IKZF1: variants seen among roughly 807,000 people sequenced by gnomAD.
The protein encoded by IKZF1 is DNA-binding protein Ikaros.
Under a neutral mutation model 51.7 loss-of-function variants are expected in IKZF1, and 10 were observed. The ratio of observed to expected loss-of-function variants is 0.19; its 90% CI spans 0.12 to 0.33. The LOEUF is 0.33. Ranked by LOEUF, IKZF1 falls within the 10% of genes least tolerant of loss-of-function variation. IKZF1 has a pLI of 1.00. For missense variants in IKZF1, 484 were observed against 707.5 expected (o/e 0.68, Z 3.58); for synonymous variants, 280 against 282.3 (o/e 0.99, Z 0.08).
At chr7:50,306,903 A>G (rs1788942516) in intron 1 of IKZF1, among the ~76,000 whole-genome samples, 2 of 152,248 alleles carry the variant, frequency 1.3e-5, no homozygotes, top group South Asian at 2.1e-4. Flanking sequence ...CTCTCTATAT[A>G]TTAATGTACT....
intron 1 of IKZF1, among the ~76,000 whole-genome samples, chr7:50,315,870 G>A (rs984922398): frequency 1.3e-5 from 2 of 152,168 alleles, no homozygotes; most frequent in Non-Finnish European, 2.9e-5. Flanking sequence ...TTCCATGTGG[G>A]AGAGGAGGGG....
In IKZF1 at chr7:50,397,712, C is replaced by CA. The variant is rs1485626866; in HGVS notation, c.851-2199dup. Reference sequence around the variant, plus strand: ...TAGCTGCTCAACACAAAAACAGAAACAAAAAAATTGTGTGGTTTCAGCAGT... The same window carrying CA: ...TAGCTGCTCAACACAAAAACAGAAACAAAAAAAATTGTGTGGTTTCAGCAGT... On this transcript the variant is annotated intron_variant, in intron 7 of 7. Transcript: ENST00000331340. Among the ~76,000 whole-genome samples, 5 of 152,062 alleles carry CA rather than the reference C, an allele frequency of 3.3e-5. No individual in the cohort carries two copies. The East Asian group carries it at 5.8e-4, about 18-fold the overall frequency.
intron 3 of IKZF1, among the ~76,000 whole-genome samples, chr7:50,361,210 C>T (rs752632587): frequency 2.7e-4 from 41 of 152,152 alleles, no homozygotes; most frequent in Non-Finnish European, 4.6e-4. Flanking sequence ...ACCAAGCTTT[C>T]TTACCCCGTT....
chr7:50,399,390 A>G (rs1817535054), intron 7 of IKZF1, among the ~76,000 whole-genome samples: 1 of 151,562 alleles, frequency 6.6e-6, no homozygotes, highest in African/African-American at 2.4e-5. Context: ...TAGATTATTA[A>G]AATTATTAAA....
rs760005950 is a variant in IKZF1, at chr7:50,400,639, G to A, written c.*12G>A. On this transcript the variant is annotated 3_prime_UTR_variant, in exon 8 of 8. Transcript: ENST00000331340. The surrounding 1 kb of genome is among the most constrained non-coding windows in gnomAD (Gnocchi z 5.4). ...TCCACATGAGCTAAAGCCCTCCCGC[G>A]CCCCCACCCCAGACCCCGAGCCACC... The A allele has an allele frequency of 6.3e-7, 1 of 1,598,242 alleles. No individual in the cohort carries two copies. Among genetic ancestry groups the A allele is most frequent in the South Asian group, 1.1e-5 (1 of 90,264 alleles).
chr7:50,343,530 G>T (rs1799606153), intron 3 of IKZF1, among the ~76,000 whole-genome samples: 1 of 152,160 alleles, frequency 6.6e-6, no homozygotes, highest in Non-Finnish European at 1.5e-5. Flanking sequence ...GCATTTTCCT[G>T]ATCATTAAAT....
chr7:50,344,977 G>A (rs1312736140), intron 3 of IKZF1, among the ~76,000 whole-genome samples: 1 of 151,562 alleles, frequency 6.6e-6, no homozygotes, highest in Non-Finnish European at 1.5e-5. Flanking sequence ...TGCGATTTTT[G>A]CCATTAAAAG....
intron 7 of IKZF1, among the ~76,000 whole-genome samples, chr7:50,392,974 G>A (rs1229276265): frequency 3.3e-5 from 5 of 152,218 alleles, no homozygotes; most frequent in Non-Finnish European, 7.3e-5. Flanking sequence ...TCTGCCACAG[G>A]ATGAATGGCT....
rs1363828091 is a variant in IKZF1, at chr7:50,376,194, C to A, written c.161-339C>A. Reference sequence around the variant, plus strand: ...TAGGGTGTAGGAGTAGGCCTCAGACCACTCCTGACGTGAACCTGCTTAAAG... The same window carrying A: ...TAGGGTGTAGGAGTAGGCCTCAGACAACTCCTGACGTGAACCTGCTTAAAG... On this transcript the variant is annotated intron_variant, in intron 3 of 7. Coordinates refer to ENST00000331340, the MANE Select transcript of IKZF1 (RefSeq NM_006060.6). The surrounding 1 kb of genome is among the most constrained non-coding windows in gnomAD (Gnocchi z 4.5). 6.6e-6 allele frequency among the ~76,000 whole-genome samples: 1 copy of A among 152,206 alleles called. No individual in the cohort carries two copies. The highest frequency in any genetic ancestry group is 2.4e-5 in the African/African-American group (1 of 41,454).
chr7:50,382,907 G>T (rs1489183231), intron 5 of IKZF1, among the ~76,000 whole-genome samples, 200 bp downstream of exon 5: 2 of 152,032 alleles, frequency 1.3e-5, no homozygotes, highest in South Asian at 2.1e-4. Context: ...ACTGCACCAG[G>T]GAGATTGGGC....
At chr7:50,390,416 C>T (rs113429444) in intron 6 of IKZF1, among the ~76,000 whole-genome samples, 10,872 of 152,172 alleles carry the variant, frequency 0.071, 528 homozygotes, top group South Asian at 0.094. Flanking sequence ...TATATGTTTG[C>T]CCATTTAATA....
rs1017469147 is a variant in IKZF1 at position 50,342,810 on chromosome 7, G to T, written c.160+15053G>T. On this transcript the variant is annotated intron_variant, in intron 3 of 7. Coordinates refer to ENST00000331340, the MANE Select transcript of IKZF1 (RefSeq NM_006060.6). ...GTGCAGCCCAGACCCCAGCCTTCCT[G>T]TGAAAGGGACACCTCCTGCTGCTAA... 2.8e-4 allele frequency among the ~76,000 whole-genome samples: 43 copies of T among 152,344 alleles called. 1 individual carries two copies. Among genetic ancestry groups the T allele is most frequent in the African/African-American group, 9.9e-4 (41 of 41,578 alleles).
intron 2 of IKZF1, among the ~76,000 whole-genome samples, chr7:50,322,354 A>G (rs557485936): frequency 6.6e-6 from 1 of 152,348 alleles, no homozygotes; most frequent in East Asian, 1.9e-4. Context: ...ATTCAACCTA[A>G]TGTATGCGAA....
At chr7:50,350,808 A>T (rs7779749) in intron 3 of IKZF1, among the ~76,000 whole-genome samples, 2 of 152,012 alleles carry the variant, frequency 1.3e-5, no homozygotes, top group Non-Finnish European at 1.5e-5. Flanking sequence ...TGAAAGAAAT[A>T]GCAGAGCAAG....
intron 3 of IKZF1, among the ~76,000 whole-genome samples, chr7:50,360,687 G>GCT (rs1233334719): frequency 6.6e-6 from 1 of 152,218 alleles, no homozygotes; most frequent in African/African-American, 2.4e-5. Context: ...TTGATCAAAG[G>GCT]CTCTTGCCTT....
chr7:50,332,134 G>A (rs1312047606), intron 3 of IKZF1, among the ~76,000 whole-genome samples: 1 of 152,178 alleles, frequency 6.6e-6, no homozygotes, highest in African/African-American at 2.4e-5. Flanking sequence ...GTAAAAAAAT[G>A]AATTGAGACT....
At chr7:50,322,368 CTAGA>C (rs1793611111) in intron 2 of IKZF1, among the ~76,000 whole-genome samples, 1 of 152,132 alleles carries the variant, frequency 6.6e-6, no homozygotes, top group Non-Finnish European at 1.5e-5. Flanking sequence ...ATGCGAAATG[CTAGA>C]TAAACAGATA....
At chr7:50,347,520 C>T (rs928968174) in intron 3 of IKZF1, among the ~76,000 whole-genome samples, 1 of 152,204 alleles carries the variant, frequency 6.6e-6, no homozygotes. Flanking sequence ...GGGCAAAAAT[C>T]CCACAATGCA....
Position 50,376,399 on chromosome 7 carries a change from C to T in IKZF1, c.161-134C>T, listed in dbSNP as rs1432817627. 2.8e-6 allele frequency: 4 copies of T among 1,433,520 alleles called. No homozygotes were observed. The highest frequency in any genetic ancestry group is 1.4e-5 in the African/African-American group (1 of 70,454). The allele number at this position is 1,433,520 out of a possible 1,614,324, so 88.8% of individuals were successfully genotyped here. On this transcript the variant is annotated intron_variant, in intron 3 of 7. Transcript: ENST00000331340. The surrounding 1 kb of genome is among the most constrained non-coding windows in gnomAD (Gnocchi z 4.5). ...ATGCACGGCGAGCTCAGGCTGCTCT[C>T]CCCTTGGTATTTGCTAAGAACTTCT...
Sources: gnomAD v4.1 joint callset for allele counts (sites outside exome capture counted in the v4.1 genomes callset) on GRCh38, gnomAD v4.1.1 for gene constraint, Gnocchi (gnomAD v3.1) non-coding constraint, MANE v1.5 for transcripts, NCBI Gene and HGNC (gene_info 2026-07-23, HGNC 2026-07-21) for gene names.